CADM2: variants seen among roughly 807,000 people sequenced by gnomAD.
CADM2 encodes the protein immunoglobulin superfamily member 4D.
In CADM2, 12 loss-of-function variants were observed where a neutral mutation model predicts 49.8. That is an observed-to-expected ratio of 0.24 (90% CI 0.15 to 0.39). The LOEUF (loss-of-function observed/expected upper bound fraction) is 0.39. Ranked by LOEUF, CADM2 falls within the 10% of genes least tolerant of loss-of-function variation. CADM2 has a pLI of 1.00. For synonymous variants in CADM2, 214 were observed against 175.4 expected, an observed-to-expected ratio of 1.22 and a Z score of -1.74; for missense variants, 378 against 492.3, an observed-to-expected ratio of 0.77 and a Z score of 2.20.
At chr3:85,546,576 A>C (rs13092437) in intron 1 of CADM2, among the ~76,000 whole-genome samples, 1 of 151,852 alleles carries the variant, frequency 6.6e-6, no homozygotes, top group Non-Finnish European at 1.5e-5. Context: ...ACTAATATTA[A>C]ATTATATATG....
intron 1 of CADM2, among the ~76,000 whole-genome samples, chr3:85,234,006 A>AAGTTCTACATGG (rs2042356997): frequency 6.6e-6 from 1 of 152,100 alleles, no homozygotes; most frequent in Non-Finnish European, 1.5e-5. Flanking sequence ...CACTCTTCTG[A>AAGTTCTACATGG]AGTTCTACAT....
chr3:85,990,622 G>T (rs1728665523), intron 8 of CADM2, among the ~76,000 whole-genome samples: 1 of 152,024 alleles, frequency 6.6e-6, no homozygotes, highest in South Asian at 2.1e-4. Flanking sequence ...CATTTCACTT[G>T]CTTAAAACAA....
intron 1 of CADM2, among the ~76,000 whole-genome samples, chr3:85,270,128 C>T (rs2043207085): frequency 6.6e-6 from 1 of 151,244 alleles, no homozygotes; most frequent in Non-Finnish European, 1.5e-5. Flanking sequence ...AGAAATTTTA[C>T]TCCTAAACCG....
At chr3:85,530,957 C>CA (rs952663789) in intron 1 of CADM2, among the ~76,000 whole-genome samples, 1 of 150,644 alleles carries the variant, frequency 6.6e-6, no homozygotes, top group African/African-American at 2.4e-5. Context: ...TTAATATTCC[C>CA]AAAACTCAGA....
intron 1 of CADM2, among the ~76,000 whole-genome samples, chr3:85,456,112 A>T (rs186350085): frequency 5.9e-5 from 9 of 152,228 alleles, no homozygotes; most frequent in Non-Finnish European, 1.3e-4. Flanking sequence ...CTGTCAGTGC[A>T]TCTGAAGCAC....
chr3:85,730,239 T>G (rs1329605948), intron 2 of CADM2, among the ~76,000 whole-genome samples: 2 of 151,952 alleles, frequency 1.3e-5, no homozygotes, highest in Non-Finnish European at 2.9e-5. Context: ...GTCAGGAATT[T>G]GAGATCAGCC....
intron 7 of CADM2, among the ~76,000 whole-genome samples, chr3:85,954,928 G>A (rs1048051578): frequency 6.6e-6 from 1 of 151,042 alleles, no homozygotes; most frequent in Admixed American, 6.6e-5. Flanking sequence ...AAATATCACA[G>A]GAAATAGAGA....
intron 6 of CADM2, among the ~76,000 whole-genome samples, chr3:85,920,246 C>T (rs1468258822): frequency 6.6e-6 from 1 of 151,836 alleles, no homozygotes; most frequent in Non-Finnish European, 1.5e-5. Flanking sequence ...TGCTAATTAT[C>T]TAATTATCTT....
At chr3:85,762,815 TA>T (rs2107909452) in intron 2 of CADM2, among the ~76,000 whole-genome samples, 1 of 151,776 alleles carries the variant, frequency 6.6e-6, no homozygotes, top group East Asian at 1.9e-4. Flanking sequence ...TGTACTTTGA[TA>T]TTTGCTTTTC....
chr3:85,786,665 A>G (rs748814089), intron 2 of CADM2, among the ~76,000 whole-genome samples: 2 of 152,076 alleles, frequency 1.3e-5, no homozygotes, highest in African/African-American at 2.4e-5. Flanking sequence ...TTAAGGTACT[A>G]TCATTTGAAC....
At chr3:85,792,706 C>T (rs1408511891) in intron 2 of CADM2, among the ~76,000 whole-genome samples, 1 of 152,194 alleles carries the variant, frequency 6.6e-6, no homozygotes, top group East Asian at 1.9e-4. Flanking sequence ...CCATTGCCAC[C>T]ACTCATCATC....
chr3:85,402,125 T>C (rs2035143464), intron 1 of CADM2, among the ~76,000 whole-genome samples: 1 of 152,084 alleles, frequency 6.6e-6, no homozygotes, highest in South Asian at 2.1e-4. Flanking sequence ...AAAAGTTTCA[T>C]TAATACTTAA....
chr3:84,992,425 T>C (rs901209205), intron 1 of CADM2, among the ~76,000 whole-genome samples: 5 of 91,948 alleles, frequency 5.4e-5, no homozygotes, highest in African/African-American at 1.4e-4. Flanking sequence ...GGTCAAGAGA[T>C]CGTGACCATC....
intron 1 of CADM2, among the ~76,000 whole-genome samples, chr3:85,552,530 G>A (rs1371641853): frequency 2.0e-5 from 3 of 151,328 alleles, no homozygotes; most frequent in African/African-American, 7.3e-5. Context: ...ACAGGCGCCC[G>A]CCACCATGCC....
chr3:85,716,363 C>A (rs2067292591), intron 1 of CADM2, among the ~76,000 whole-genome samples: 1 of 151,960 alleles, frequency 6.6e-6, no homozygotes, highest in Non-Finnish European at 1.5e-5. Flanking sequence ...TTGTTTTTTT[C>A]TTGTAAACTT....
At chr3:85,202,660 C>A in intron 1 of CADM2, among the ~76,000 whole-genome samples, 1 of 152,208 alleles carries the variant, frequency 6.6e-6, no homozygotes, top group South Asian at 2.1e-4. Flanking sequence ...GTATTGACTT[C>A]CACTTAAAGT....
At chr3:85,382,716 A>T (rs1201375672) in intron 1 of CADM2, among the ~76,000 whole-genome samples, 2 of 152,186 alleles carry the variant, frequency 1.3e-5, no homozygotes, top group African/African-American at 4.8e-5. Context: ...AAATGATCTT[A>T]TATTTTACAA....
At position 85,128,579 on chromosome 3, in the gene CADM2, C is replaced by T. The variant is rs142520140; in HGVS notation, c.61+168911C>T. ...AGGTCTTAGAAGGGTCTGAAAGCCTCATGACAAGTCAGAAGGTGGAAGGCA... is the reference window on the plus strand; with the variant it reads ...AGGTCTTAGAAGGGTCTGAAAGCCTTATGACAAGTCAGAAGGTGGAAGGCA... On this transcript the variant is annotated intron_variant, in intron 1 of 9. Transcript: ENST00000383699. Among the ~76,000 whole-genome samples, 1,208 of 152,212 alleles carry T rather than the reference C, an allele frequency of 7.9e-3. 16 individuals are homozygous for T. Among genetic ancestry groups the T allele is most frequent in the African/African-American group, 0.028 (1,152 of 41,524 alleles).
At chr3:86,013,309 T>A in intron 8 of CADM2, 1 of 1,543,838 alleles carries the variant, frequency 6.5e-7, no homozygotes, top group African/African-American at 1.4e-5. Context: ...CCTCTATCCC[T>A]TGAAGAGAAG....
Sources: gnomAD v4.1 joint callset for allele counts (sites outside exome capture counted in the v4.1 genomes callset) on GRCh38, gnomAD v4.1.1 for gene constraint, MANE v1.5 for transcripts, NCBI Gene and HGNC (gene_info 2026-07-23, HGNC 2026-07-21) for gene names.